ADARB2: variants seen among roughly 807,000 people sequenced by gnomAD.
ADARB2 encodes the protein adenosine deaminase RNA specific B2 (inactive).
ADARB2 carries 25 observed loss-of-function variants against 62.2 expected under a neutral mutation model. The observed-to-expected ratio is 0.40, with a 90% CI of 0.29 to 0.56. The LOEUF is 0.56. ADARB2 is among the 20% of genes least tolerant of loss of function. ADARB2 has a pLI of 0.43. For missense variants in ADARB2, 1,071 were observed against 1,077.4 expected (o/e 0.99, Z 0.08); for synonymous variants, 572 against 500.8 (o/e 1.14, Z -1.90).
intron 3 of ADARB2, among the ~76,000 whole-genome samples, chr10:1,348,840 C>T (rs542936633): frequency 6.6e-6 from 1 of 152,328 alleles, no homozygotes; most frequent in East Asian, 1.9e-4. Context: ...AGCCCAGCAC[C>T]CATCCACCTC....
intron 1 of ADARB2, among the ~76,000 whole-genome samples, chr10:1,500,114 C>G (rs1212693241): frequency 6.6e-6 from 1 of 152,200 alleles, no homozygotes; most frequent in African/African-American, 2.4e-5. Context: ...TTCAAGAGTT[C>G]TTTTGAAGAG....
intron 3 of ADARB2, among the ~76,000 whole-genome samples, chr10:1,328,241 G>A (rs1282181505): frequency 6.6e-6 from 1 of 152,240 alleles, no homozygotes; most frequent in Non-Finnish European, 1.5e-5. Context: ...CCCTCTATGG[G>A]AGGCAAGGAG....
chr10:1,344,952 A>G (rs1832065132), intron 3 of ADARB2, among the ~76,000 whole-genome samples: 1 of 152,156 alleles, frequency 6.6e-6, no homozygotes, highest in Non-Finnish European at 1.5e-5. Flanking sequence ...GCCAAGAAAT[A>G]AAACAGACTG....
chr10:1,631,737 C>T (rs1236735739), intron 1 of ADARB2, among the ~76,000 whole-genome samples: 1 of 152,072 alleles, frequency 6.6e-6, no homozygotes, highest in African/African-American at 2.4e-5. Flanking sequence ...GCTGCCAGAT[C>T]TAGGAAAATG....
At chr10:1,662,855 C>T (rs1194352072) in intron 1 of ADARB2, among the ~76,000 whole-genome samples, 1 of 152,246 alleles carries the variant, frequency 6.6e-6, no homozygotes, top group Non-Finnish European at 1.5e-5. Flanking sequence ...AGCACTGGCT[C>T]CTGACGGGCA....
intron 3 of ADARB2, among the ~76,000 whole-genome samples, chr10:1,325,808 C>T (rs1046012821): frequency 6.6e-6 from 1 of 152,182 alleles, no homozygotes; most frequent in Non-Finnish European, 1.5e-5. Context: ...CTTCTGAAAA[C>T]AGATGCCTAA....
intron 1 of ADARB2, among the ~76,000 whole-genome samples, chr10:1,652,394 C>T (rs1238448483): frequency 2.6e-5 from 4 of 152,162 alleles, no homozygotes; most frequent in African/African-American, 9.7e-5. Flanking sequence ...CTGCCAGCTC[C>T]CGGGAAGACC....
chr10:1,366,477 C>T lies in ADARB2; in HGVS notation c.188-2560G>A, dbSNP rs370237686. Among the ~76,000 whole-genome samples the T allele has an allele frequency of 4.6e-5, 7 of 152,274 alleles. No homozygotes were observed. The East Asian group carries it at 7.7e-4, about 17-fold the overall frequency. ...ATGGTAGTGAGCTGTGCCCTTGCCC[C>T]ACCCTGAGGCTTGGCTCATGCAGAA... On this transcript the variant is annotated intron_variant, in intron 2 of 9. Coordinates refer to ENST00000381312, the MANE Select transcript of ADARB2 (RefSeq NM_018702.4).
intron 1 of ADARB2, among the ~76,000 whole-genome samples, chr10:1,381,238 G>A (rs1358003237): frequency 1.3e-5 from 2 of 152,186 alleles, no homozygotes; most frequent in Non-Finnish European, 2.9e-5. Context: ...CTGAAATTCA[G>A]TGGAAGGCAA....
chr10:1,576,834 G>A (rs567228781), intron 1 of ADARB2, among the ~76,000 whole-genome samples: 3 of 136,108 alleles, frequency 2.2e-5, no homozygotes, highest in Admixed American at 1.4e-4. Context: ...TGTGGACTTC[G>A]TCAAGTGCGA....
At chr10:1,695,039 G>GC (rs1834721988) in intron 1 of ADARB2, among the ~76,000 whole-genome samples, 1 of 152,180 alleles carries the variant, frequency 6.6e-6, no homozygotes, top group African/African-American at 2.4e-5. Flanking sequence ...TGGGTCATGG[G>GC]CCCCCCGTGC....
intron 1 of ADARB2, among the ~76,000 whole-genome samples, chr10:1,641,891 T>C (rs1480650384): frequency 1.3e-5 from 2 of 152,022 alleles, no homozygotes; most frequent in African/African-American, 4.8e-5. Context: ...CGGGCGCCTG[T>C]AATCCCAGCT....
chr10:1,229,770 A>G (rs1254080189), intron 6 of ADARB2, among the ~76,000 whole-genome samples: 1 of 22,100 alleles, frequency 4.5e-5, no homozygotes, highest in Admixed American at 3.5e-4. Context: ...GTGTGCACAT[A>G]TGTGCTTCTG....
intron 1 of ADARB2, among the ~76,000 whole-genome samples, chr10:1,501,081 G>A (rs1478080234): frequency 2.0e-5 from 3 of 152,090 alleles, no homozygotes; most frequent in African/African-American, 7.2e-5. Flanking sequence ...CATCATGTTG[G>A]TCAGGCTGGT....
rs528958732 is a variant in ADARB2 at position 1,398,994 on chromosome 10, G to A, written c.101-19834C>T. 3.9e-5 allele frequency among the ~76,000 whole-genome samples: 6 copies of A among 152,292 alleles called. No individual in the cohort carries two copies. Among genetic ancestry groups the A allele is most frequent in the Non-Finnish European group, 8.8e-5 (6 of 68,024 alleles). ...CCTGGGAAATCTCTCCTCAGAGCCT[G>A]GCACAGGTTTTGGTATCAGCGGGGC... On this transcript the variant is annotated intron_variant, in intron 1 of 9. Transcript: ENST00000381312. The surrounding 1 kb of genome is among the most constrained non-coding windows in gnomAD (Gnocchi z 4.1).
At chr10:1,218,604 T>C (rs984377054) in intron 6 of ADARB2, among the ~76,000 whole-genome samples, 5 of 152,188 alleles carry the variant, frequency 3.3e-5, no homozygotes, top group Admixed American at 6.5e-5. Context: ...GAAATCCATG[T>C]TGACATGTAA....
chr10:1,551,650 T>C (rs564595907), intron 1 of ADARB2, among the ~76,000 whole-genome samples: 1 of 152,230 alleles, frequency 6.6e-6, no homozygotes. Flanking sequence ...TCTCACCTGG[T>C]AACCCAGAAA....
At chr10:1,470,876 C>T (rs1475725421) in intron 1 of ADARB2, among the ~76,000 whole-genome samples, 5 of 152,102 alleles carry the variant, frequency 3.3e-5, no homozygotes, top group African/African-American at 9.7e-5. Flanking sequence ...CTGGCTAACA[C>T]GGTGAAACCC....
intron 1 of ADARB2, among the ~76,000 whole-genome samples, chr10:1,407,766 A>C (rs962489874): frequency 3.9e-5 from 6 of 152,100 alleles, no homozygotes; most frequent in Admixed American, 2.6e-4. Flanking sequence ...CCAGGATGGA[A>C]GATTCTCCCG....
Sources: allele counts gnomAD v4.1 joint callset (sites outside exome capture counted in the v4.1 genomes callset), GRCh38; gene constraint gnomAD v4.1.1; non-coding constraint Gnocchi (gnomAD v3.1); transcripts MANE v1.5; gene names NCBI Gene and HGNC (gene_info 2026-07-23, HGNC 2026-07-21).